Variants in LETM2 observed in about 807,000 individuals in gnomAD.
The protein encoded by LETM2 is leucine zipper and EF-hand containing transmembrane protein 2.
LETM2 carries 58 observed loss-of-function variants against 59.6 expected under a neutral mutation model. The observed-to-expected ratio is 0.97, with a 90% CI of 0.79 to 1.21. The LOEUF is 1.21. LETM2 is among the 50% of genes most tolerant of loss of function. The probability of loss-of-function intolerance (pLI) is 0.00; values close to 1 mark genes in which losing one functional copy is unlikely to be tolerated. For synonymous variants in LETM2, 199 were observed against 214.1 expected, an observed-to-expected ratio of 0.93 and a Z score of 0.62; for missense variants, 572 against 575.7, an observed-to-expected ratio of 0.99 and a Z score of 0.07.
chr8:38,402,523 A>C lies in LETM2; in HGVS notation c.985-2A>C. The C allele has an allele frequency of 6.2e-7, 1 of 1,613,814 alleles. No homozygotes were observed. The highest frequency in any genetic ancestry group is 1.7e-4 in the Middle Eastern group (1 of 6,060). Reference sequence around the variant, plus strand: ...CAACTCCATCCCTTACATTTCTTTCAGATAATTGCCAAGGAAGGGGTGACA... The same window carrying C: ...CAACTCCATCCCTTACATTTCTTTCCGATAATTGCCAAGGAAGGGGTGACA... On this transcript the variant is annotated splice_acceptor_variant, in intron 6 of 10. Transcript: ENST00000379957. LOFTEE classifies it high-confidence loss of function.
rs555590446 is a variant in LETM2, at chr8:38,408,338, AG to A, written c.*66del. ...CGGCCCTCAACAGTGGCATCTGTAA[AG>A]GACCTCCCAGATAAGACTGTCTGGC... On this transcript the variant is annotated 3_prime_UTR_variant, in exon 11 of 11. Transcript: ENST00000379957. 272 of 1,364,368 alleles carry A rather than the reference AG, an allele frequency of 2.0e-4. 4 individuals carry two copies. The South Asian group carries it at 3.2e-3, about 16-fold the overall frequency. The allele number at this position is 1,364,368 out of a possible 1,614,324, so 84.5% of individuals were successfully genotyped here.
rs770167951 is a variant in LETM2, at chr8:38,404,383, C to CGTT, written c.1105-9_1105-7dup. ...TGATTCTCACGTGTTGTTCCCCTCC[C>CGTT]GTTCTCCAGTGGCAGGACCTCCACC... On this transcript the variant is annotated splice_polypyrimidine_tract_variant and intron_variant, in intron 7 of 10. Coordinates refer to ENST00000379957, the MANE Select transcript of LETM2 (RefSeq NM_001286819.2). 2 of 1,577,178 alleles carry CGTT rather than the reference C, an allele frequency of 1.3e-6. No homozygotes were observed. Among genetic ancestry groups the CGTT allele is most frequent in the Non-Finnish European group, 1.7e-6 (2 of 1,146,650 alleles).
At chr8:38,405,486 A>C (rs1813645701) in intron 8 of LETM2, among the ~76,000 whole-genome samples, 1 of 152,250 alleles carries the variant, frequency 6.6e-6, no homozygotes, top group South Asian at 2.1e-4. Flanking sequence ...TTTACATCTT[A>C]ATTATGCTGT....
upstream of LETM2, chr8:38,386,238 C>A (rs564894521): frequency 2.2e-4 from 34 of 152,348 alleles, no homozygotes; most frequent in Admixed American, 1.7e-3. Context: ...TTTCCTCGGG[C>A]GTTAGCCACT....
chr8:38,406,833 T>G lies in LETM2; in HGVS notation c.1219-113T>G, dbSNP rs1490455306. Reference sequence around the variant, plus strand: ...AAAGGGTGTAGCTAGAGGAGGAAGTTAGGGATTTAGTGGAAAGCAAATAGT... The same window carrying G: ...AAAGGGTGTAGCTAGAGGAGGAAGTGAGGGATTTAGTGGAAAGCAAATAGT... On this transcript the variant is annotated intron_variant, in intron 8 of 10. Coordinates refer to ENST00000379957, the MANE Select transcript of LETM2 (RefSeq NM_001286819.2). 15 of 649,598 alleles carry G rather than the reference T, an allele frequency of 2.3e-5. No individual in the cohort carries two copies. In the Admixed American group the frequency reaches 2.6e-4, roughly 11 times the overall value. 40.2% of individuals were successfully genotyped at this position (649,598 alleles called of 1,614,324 possible).
At chr8:38,408,140 A>T in intron 10 of LETM2, 72 bp from the exon 11 acceptor site, 3 of 1,149,920 alleles carry the variant, frequency 2.6e-6, no homozygotes, top group South Asian at 2.8e-5. Context: ...TAAGAAAACA[A>T]AAATAGCATT....
intron 4 of LETM2, among the ~76,000 whole-genome samples, chr8:38,395,890 A>G (rs1812646026): frequency 6.6e-6 from 1 of 152,184 alleles, no homozygotes; most frequent in East Asian, 1.9e-4. Flanking sequence ...TTTGGGTAAA[A>G]GTCCTTTATC....
rs1228118410 is a variant in LETM2 at position 38,400,949 on chromosome 8, C to G, written c.880C>G (p.Leu294Val). The G allele has an allele frequency of 1.2e-6, 2 of 1,614,054 alleles. No homozygotes were observed. The highest frequency in any genetic ancestry group is 1.7e-6 in the Non-Finnish European group (2 of 1,180,012). The change falls in exon 6 of 11, where the codon CTG (leucine) becomes GTG (valine). Residue 294 changes from leucine to valine, a missense_variant. Physicochemically the swap from Leu to Val is conservative, Grantham distance 32. Transcript: ENST00000379957. Reference protein sequence around the residue: ...LALEHLDRPQLVALCKLLELQ... With the variant: ...LALEHLDRPQVVALCKLLELQ... ...CCTGGAACACTTAGATCGCCCTCAG[C>G]TGGTTGCCCTTTGCAAACTGCTGGA...
Position 38,389,508 on chromosome 8 carries a change from G to A in LETM2, c.47+1478G>A, listed in dbSNP as rs182016957. ...GCTGGGATTACAGGCGTGAGCCACC[G>A]TGCCCGGCCACCATTTATTTATTCA... On this transcript the variant is annotated intron_variant, in intron 2 of 10. Transcript: ENST00000379957. Among the ~76,000 whole-genome samples the A allele has an allele frequency of 1.4e-4, 21 of 152,166 alleles. No individual in the cohort carries two copies. In the East Asian group the frequency reaches 2.1e-3, roughly 15 times the overall value.
At chr8:38,393,837 G>A (rs1812484642) in intron 3 of LETM2, 1 of 317,712 alleles carries the variant, frequency 3.1e-6, no homozygotes. Context: ...AACAGCTGCA[G>A]AAAACCTGTC....
chr8:38,397,307 G>A (rs1474388661), intron 4 of LETM2, among the ~76,000 whole-genome samples: 1 of 152,096 alleles, frequency 6.6e-6, no homozygotes, highest in Non-Finnish European at 1.5e-5. Context: ...CTCCTGAGTC[G>A]CTGAGATTAC....
Position 38,401,009 on chromosome 8 carries a change from T to C in LETM2, c.940T>C (p.Phe314Leu). 6.2e-7 allele frequency: 1 copy of C among 1,614,118 alleles called. No individual in the cohort carries two copies. The highest frequency in any genetic ancestry group is 8.5e-7 in the Non-Finnish European group (1 of 1,180,014). Residue 314 changes from phenylalanine to leucine, a missense_variant, in exon 6 of 11, where the codon TTT becomes CTT. Phe to Leu is a conservative substitution (Grantham distance 22). Transcript: ENST00000379957. Reference protein sequence around the residue: ...QTFGTNNLLRFQLLMKLKSIK... With the variant: ...QTFGTNNLLRLQLLMKLKSIK... ...ATTTGGAACCAACAACCTGCTCCGCTTTCAGCTCCTGATGAAACTGAAGTC... is the reference window on the plus strand; with the variant it reads ...ATTTGGAACCAACAACCTGCTCCGCCTTCAGCTCCTGATGAAACTGAAGTC...
rs1378148524 is a variant in LETM2 at position 38,394,018 on chromosome 8, G to GT, written c.502-73dup. 3.9e-5 allele frequency: 44 copies of GT among 1,136,706 alleles called. No homozygotes were observed. In the Admixed American group the frequency reaches 4.0e-4, roughly 10 times the overall value. 70.4% of individuals were successfully genotyped at this position (1,136,706 alleles called of 1,614,324 possible). A position where few individuals can be genotyped will look rare whatever the true frequency, so the allele number is the denominator to read the frequency against. On this transcript the variant is annotated intron_variant, in intron 3 of 10. Transcript: ENST00000379957. The stretch of plus-strand genomic sequence containing the variant: ...AAGAAAGAAAATGAAACAAGACAGG[G>GT]TTTTTTTGGTTTTGTTTTTCATTTT...
chr8:38,403,157 C>T (rs891087670), intron 7 of LETM2, among the ~76,000 whole-genome samples: 4 of 152,160 alleles, frequency 2.6e-5, no homozygotes, highest in Admixed American at 6.6e-5. Context: ...CAATTTCCCC[C>T]GTGTTTGACC....
intron 5 of LETM2, 79 bp from the exon 6 acceptor site, chr8:38,400,774 T>C: frequency 7.9e-7 from 1 of 1,260,682 alleles, no homozygotes. Context: ...TGCTTTGATG[T>C]CTCTTTCAAA....
intron 7 of LETM2, 95 bp from the exon 8 acceptor site, chr8:38,404,298 G>T: frequency 1.2e-6 from 1 of 829,134 alleles, no homozygotes; most frequent in East Asian, 2.5e-5. Context: ...GGGCGGGGGC[G>T]GTGGGAAGCT....
chr8:38,402,891 C>A (rs1168725564), intron 7 of LETM2, among the ~76,000 whole-genome samples: 1 of 152,182 alleles, frequency 6.6e-6, no homozygotes, highest in Non-Finnish European at 1.5e-5. Context: ...TATATTAGCT[C>A]ACAGTTGGTA....
intron 2 of LETM2, among the ~76,000 whole-genome samples, chr8:38,389,148 G>A (rs1480159545): frequency 1.3e-5 from 2 of 152,318 alleles, no homozygotes; most frequent in African/African-American, 2.4e-5. Flanking sequence ...GAGTAAAATG[G>A]CTGATGAACA....
Position 38,400,382 on chromosome 8 carries a change from TA to T in LETM2, c.757del (p.Thr253HisfsTer7). On this transcript the variant is annotated frameshift_variant, in exon 5 of 11. Coordinates refer to ENST00000379957, the MANE Select transcript of LETM2 (RefSeq NM_001286819.2). LOFTEE classifies it high-confidence loss of function. ...RNRAKMGDAS[T>X]QLSSYVKQVQ... ...ACAGAGCCAAGATGGGCGATGCCTC[TA>T]CACAGCTCTCATCCTACGTGAAGCA... 1 of 1,606,852 alleles carries T rather than the reference TA, an allele frequency of 6.2e-7. No individual in the cohort carries two copies. Among genetic ancestry groups the T allele is most frequent in the Non-Finnish European group, 8.5e-7 (1 of 1,177,508 alleles).
Sources: allele counts gnomAD v4.1 joint callset (sites outside exome capture counted in the v4.1 genomes callset), GRCh38; gene constraint gnomAD v4.1.1; transcripts MANE v1.5; gene names NCBI Gene and HGNC (gene_info 2026-07-23, HGNC 2026-07-21).